MAFK: variants seen among roughly 807,000 people sequenced by gnomAD.
MAFK encodes transcription factor MafK.
In MAFK, 1 loss-of-function variant was observed where a neutral mutation model predicts 9.2. The ratio of observed to expected loss-of-function variants is 0.11; its 90% CI spans 0.04 to 0.52. The LOEUF is 0.52. Ranked by LOEUF, MAFK falls within the 20% of genes least tolerant of loss-of-function variation. The pLI is 0.94. For missense variants in MAFK, 207 were observed against 236.0 expected, an observed-to-expected ratio of 0.88 and a Z score of 0.81; for synonymous variants, 110 against 107.4, an observed-to-expected ratio of 1.02 and a Z score of -0.15.
Position 1,534,074 on chromosome 7 carries a change from G to A in MAFK, c.-45+3176G>A. On this transcript the variant is annotated intron_variant, in intron 1 of 2. Transcript: ENST00000343242. The surrounding 1 kb of genome is among the most constrained non-coding windows in gnomAD (Gnocchi z 4.3). ...TGCAAGGTGACCAGACGTCCTCCAAGCCGGGCCGACAGTCATGGCTTGCTG... is the reference window on the plus strand; with the variant it reads ...TGCAAGGTGACCAGACGTCCTCCAAACCGGGCCGACAGTCATGGCTTGCTG... 2.7e-6 allele frequency: 1 copy of A among 368,008 alleles called. No individual in the cohort carries two copies. Among genetic ancestry groups the A allele is most frequent in the Non-Finnish European group, 5.6e-6 (1 of 180,124 alleles). 22.8% of individuals were successfully genotyped at this position (368,008 alleles called of 1,614,324 possible).
At chr7:1,536,001 G>C (rs1187612424) in intron 1 of MAFK, among the ~76,000 whole-genome samples, 1 of 152,226 alleles carries the variant, frequency 6.6e-6, no homozygotes, top group African/African-American at 2.4e-5. Flanking sequence ...GCCTTGTTTA[G>C]TTCTGCGTCA....
intron 2 of MAFK, among the ~76,000 whole-genome samples, 173 bp downstream of exon 2, chr7:1,539,401 G>C (rs1784117974): frequency 6.6e-6 from 1 of 152,178 alleles, no homozygotes; most frequent in Admixed American, 6.5e-5. Flanking sequence ...GTGGAGTCAG[G>C]ATCGGGGACT....
intron 1 of MAFK, among the ~76,000 whole-genome samples, chr7:1,535,191 C>G (rs1160799833): frequency 1.6e-4 from 23 of 142,824 alleles, no homozygotes; most frequent in Admixed American, 4.5e-4. Flanking sequence ...CTATTACAGG[C>G]AAGAGCCACT....
chr7:1,539,779 C>T (rs1314360611), intron 2 of MAFK, among the ~76,000 whole-genome samples, 162 bp from the exon 3 acceptor site: 2 of 152,204 alleles, frequency 1.3e-5, no homozygotes, highest in Non-Finnish European at 2.9e-5. Flanking sequence ...ACATGGGCTG[C>T]CTGCGTGCAC....
At chr7:1,537,892 C>T in intron 1 of MAFK, 1 of 168,680 alleles carries the variant, frequency 5.9e-6, no homozygotes. Flanking sequence ...AGGTGCTGAC[C>T]AAGGACACCC....
At chr7:1,536,996 G>A (rs961744988) in intron 1 of MAFK, among the ~76,000 whole-genome samples, 1 of 152,188 alleles carries the variant, frequency 6.6e-6, no homozygotes, top group Non-Finnish European at 1.5e-5. Context: ...GGTGTGCCTC[G>A]AAGTACTGGG....
intron 1 of MAFK, among the ~76,000 whole-genome samples, chr7:1,531,763 C>T (rs1461042533): frequency 1.3e-5 from 2 of 152,192 alleles, no homozygotes; most frequent in Admixed American, 6.5e-5. Context: ...AAAGCCAGGA[C>T]CCCGCCTGGC....
chr7:1,540,058 C>G lies in MAFK; in HGVS notation c.154C>G (p.Leu52Val), dbSNP rs968576404. Residue 52 changes from leucine (L) to valine (V), a missense_variant, in exon 3 of 3, where the codon CTG (leucine) becomes GTG (valine). Coordinates refer to ENST00000343242, the MANE Select transcript of MAFK (RefSeq NM_002360.4). ...RGLTKEEVTR[L>V]KQRRRTLKNR... is the part of the protein sequence containing the mutation. ...TCTCACCAAGGAGGAGGTGACCCGC[C>G]TGAAGCAGCGTCGGCGCACACTCAA... 2 of 1,559,436 alleles carry G rather than the reference C, an allele frequency of 1.3e-6. No individual in the cohort carries two copies. The highest frequency in any genetic ancestry group is 1.7e-6 in the Non-Finnish European group (2 of 1,151,692).
chr7:1,536,565 C>G (rs1784036494), intron 1 of MAFK, among the ~76,000 whole-genome samples: 2 of 152,208 alleles, frequency 1.3e-5, no homozygotes, highest in Non-Finnish European at 2.9e-5. Flanking sequence ...TGAGGTCGGA[C>G]AGTTCACAAA....
rs1449251305 is a variant in MAFK at position 1,531,196 on chromosome 7, C to T, written c.-45+298C>T. On this transcript the variant is annotated intron_variant, in intron 1 of 2. Coordinates refer to ENST00000343242, the MANE Select transcript of MAFK (RefSeq NM_002360.4). ...GGGCCCCAGGGCGCGGACCCCAGAC[C>T]TGGGAGGACGAGGATCCACGCGGGT... Among the ~76,000 whole-genome samples the T allele has an allele frequency of 5.4e-5, 8 of 149,520 alleles. No homozygotes were observed. The East Asian group carries it at 1.4e-3, about 26-fold the overall frequency.
At chr7:1,533,259 G>A (rs1372394139) in intron 1 of MAFK, among the ~76,000 whole-genome samples, 1 of 152,202 alleles carries the variant, frequency 6.6e-6, no homozygotes, top group Non-Finnish European at 1.5e-5. Context: ...GTATTGGGGT[G>A]GAGACTGCCC....
chr7:1,537,368 G>A (rs546605775), intron 1 of MAFK: 75 of 985,216 alleles, frequency 7.6e-5, no homozygotes, highest in Non-Finnish European at 8.2e-5. Context: ...GTGACTCACC[G>A]CATAGCTATG....
Position 1,540,114 on chromosome 7 carries a change from C to T in MAFK, c.210C>T (p.Ile70=). Reference sequence around the variant, plus strand: ...GCGGCTACGCGGCCAGCTGCCGCATCAAGCGGGTGACGCAGAAGGAGGAGC... The same window carrying T: ...GCGGCTACGCGGCCAGCTGCCGCATTAAGCGGGTGACGCAGAAGGAGGAGC... ...KNRGYAASCR[I]KRVTQKEELE... Residue 70 remains isoleucine (I), a synonymous_variant, in exon 3 of 3, where the codon ATC becomes ATT. Transcript: ENST00000343242. 1.9e-6 allele frequency: 3 copies of T among 1,572,920 alleles called. No homozygotes were observed. Among genetic ancestry groups the T allele is most frequent in the Admixed American group, 1.9e-5 (1 of 53,688 alleles).
Position 1,532,612 on chromosome 7 carries a change from G to A in MAFK, c.-45+1714G>A, listed in dbSNP as rs1044158413. ...GCGTTTACCGAGGGTCAGGGTTGTC[G>A]GGGCGCCAGCCTTTGTGTGCACCCG... On this transcript the variant is annotated intron_variant, in intron 1 of 2. Transcript: ENST00000343242. This position sits in a 1 kb window ranked among gnomAD's most constrained non-coding sequence, Gnocchi z 4.5. Among the ~76,000 whole-genome samples the A allele has an allele frequency of 2.0e-4, 31 of 152,288 alleles. No individual in the cohort carries two copies. The highest frequency in any genetic ancestry group is 7.7e-4 in the East Asian group (4 of 5,186).
Position 1,534,584 on chromosome 7 carries a change from C to G in MAFK, c.-45+3686C>G, listed in dbSNP as rs1278385816. On this transcript the variant is annotated intron_variant, in intron 1 of 2. Transcript: ENST00000343242. The surrounding 1 kb of genome is among the most constrained non-coding windows in gnomAD (Gnocchi z 4.3). ...CTGGTCTTCCTCCTGCCCCTCCTCC[C>G]TCTCCCGCATCCCACATCCTCGGAG... 6.6e-6 allele frequency: 3 copies of G among 456,374 alleles called. No individual in the cohort carries two copies. Among genetic ancestry groups the G allele is most frequent in the Non-Finnish European group, 1.3e-5 (3 of 226,940 alleles). The allele number at this position is 456,374 out of a possible 1,614,324, so 28.3% of individuals were successfully genotyped here. A position where few individuals can be genotyped will look rare whatever the true frequency, so the allele number is the denominator to read the frequency against.
At chr7:1,531,302 G>T (rs1229770731) in intron 1 of MAFK, among the ~76,000 whole-genome samples, 2 of 151,258 alleles carry the variant, frequency 1.3e-5, no homozygotes, top group African/African-American at 4.8e-5. Flanking sequence ...GGTGCGGGGA[G>T]GGCGCGGGCG....
At position 1,534,312 on chromosome 7, in the gene MAFK, C is replaced by T. The variant is rs567880011; in HGVS notation, c.-45+3414C>T. 6.6e-6 allele frequency: 3 copies of T among 455,614 alleles called. No homozygotes were observed. In the Admixed American group the frequency reaches 7.0e-5, roughly 11 times the overall value. The allele number at this position is 455,614 out of a possible 1,614,324, so 28.2% of individuals were successfully genotyped here. On this transcript the variant is annotated intron_variant, in intron 1 of 2. Transcript: ENST00000343242. The surrounding 1 kb of genome is among the most constrained non-coding windows in gnomAD (Gnocchi z 4.3). ...AATTAGTCGGTTGACACCTGTTTGA[C>T]AGGCACCCACTGGGTACCAGTGCCA...
At chr7:1,537,235 G>A (rs1490726180) in intron 1 of MAFK, 14 of 277,172 alleles carry the variant, frequency 5.1e-5, no homozygotes, top group Non-Finnish European at 6.6e-5. Flanking sequence ...CTGTCCCCCG[G>A]ACCTTCCTTT....
intron 1 of MAFK, among the ~76,000 whole-genome samples, chr7:1,531,809 A>C (rs1783914341): frequency 6.6e-6 from 1 of 151,750 alleles, no homozygotes; most frequent in African/African-American, 2.4e-5. Context: ...GGGACACAGC[A>C]GTGGCCCTGC....
Sources: allele counts gnomAD v4.1 joint callset (sites outside exome capture counted in the v4.1 genomes callset), GRCh38; gene constraint gnomAD v4.1.1; non-coding constraint Gnocchi (gnomAD v3.1); transcripts MANE v1.5; gene names NCBI Gene and HGNC (gene_info 2026-07-23, HGNC 2026-07-21).